NLRP8: variants seen among roughly 807,000 people sequenced by gnomAD.
NLRP8 encodes NLR family pyrin domain containing 8.
In NLRP8, 86 loss-of-function variants were observed where a neutral mutation model predicts 88.7. The ratio of observed to expected loss-of-function variants is 0.97; its 90% CI spans 0.81 to 1.16. The LOEUF (loss-of-function observed/expected upper bound fraction) is 1.16. NLRP8 is among the 50% of genes most tolerant of loss of function. NLRP8 has a pLI of 0.00. For missense variants in NLRP8, 1,342 were observed against 1,286.5 expected (o/e 1.04, Z -0.66); for synonymous variants, 504 against 494.6 (o/e 1.02, Z -0.25).
chr19:55,981,121 G>A (rs759119043), intron 9 of NLRP8, among the ~76,000 whole-genome samples: 1 of 152,164 alleles, frequency 6.6e-6, no homozygotes. Flanking sequence ...GTAGTGGAAG[G>A]AGACTTCCTG....
Position 55,955,284 on chromosome 19 carries a change from A to G in NLRP8, c.1226A>G (p.Gln409Arg). Residue 409 changes from glutamine (Q) to arginine (R), a missense_variant, in exon 3 of 10, where the codon CAA becomes CGA. Transcript: ENST00000291971. ...ATGGTCTGCTCTGGTCTGAAACAGC[A>G]AATGGAGAGAGGAAACAATCTCACA... is the stretch of plus-strand genomic sequence containing the variant. 1 of 1,614,186 alleles carries G rather than the reference A, an allele frequency of 6.2e-7. No individual in the cohort carries two copies. Among genetic ancestry groups the G allele is most frequent in the East Asian group, 2.2e-5 (1 of 44,878 alleles).
chr19:55,966,504 T>G (rs2123207210), intron 5 of NLRP8, 124 bp downstream of exon 5: 1 of 972,184 alleles, frequency 1.0e-6, no homozygotes, highest in East Asian at 2.6e-5. Flanking sequence ...TTTGTTCAAC[T>G]TTAAAAGTAC....
chr19:55,957,673 T>TAATAATA (rs1378405360), intron 3 of NLRP8, among the ~76,000 whole-genome samples: 18 of 31,196 alleles, frequency 5.8e-4, no homozygotes, highest in Non-Finnish European at 7.3e-4. Flanking sequence ...AAAATAATAA[T>TAATAATA]TATATATATA....
intron 1 of NLRP8, among the ~76,000 whole-genome samples, chr19:55,951,981 G>T (rs1261717927): frequency 6.6e-6 from 1 of 151,908 alleles, no homozygotes; most frequent in East Asian, 1.9e-4. Context: ...CGAACTCCTT[G>T]GCTCAAGCAA....
At position 55,987,879 on chromosome 19, in the gene NLRP8, G is replaced by T; in HGVS notation, c.3113G>T (p.Gly1038Val). 1 of 1,613,078 alleles carries T rather than the reference G, an allele frequency of 6.2e-7. No homozygotes were observed. The highest frequency in any genetic ancestry group is 8.5e-7 in the Non-Finnish European group (1 of 1,179,398). The change falls in exon 10 of 10, where the codon GGA becomes GTA. Residue 1038 changes from glycine to valine, a missense_variant. By Grantham distance (109) the Gly-to-Val change is moderately radical (BLOSUM62 -3). Coordinates refer to ENST00000291971, the MANE Select transcript of NLRP8 (RefSeq NM_176811.2). ...ACTCCTCACCCACCCGACTTCACGG[G>T]AAAAAGTGACTGCCTATCCCAGATT...
At chr19:55,971,438 T>C (rs1238724526) in intron 6 of NLRP8, among the ~76,000 whole-genome samples, 1 of 45,424 alleles carries the variant, frequency 2.2e-5, no homozygotes, top group African/African-American at 9.8e-5. Flanking sequence ...GAGACTCGTC[T>C]CAAAAAAAAA....
At chr19:55,976,039 A>T in intron 7 of NLRP8, 94 bp from the exon 8 acceptor site, 1 of 1,239,976 alleles carries the variant, frequency 8.1e-7, no homozygotes, top group Non-Finnish European at 1.1e-6. Context: ...CCAAAAACAA[A>T]GAAGTAAAAC....
chr19:55,976,716 A>T (rs1980345471), intron 8 of NLRP8, among the ~76,000 whole-genome samples: 1 of 150,318 alleles, frequency 6.7e-6, no homozygotes, highest in African/African-American at 2.4e-5. Context: ...GTATATAAAG[A>T]TACATATATA....
intron 3 of NLRP8, among the ~76,000 whole-genome samples, chr19:55,957,994 G>T (rs1979452504): frequency 6.6e-6 from 1 of 152,098 alleles, no homozygotes; most frequent in South Asian, 2.1e-4. Context: ...TCAAGCACTT[G>T]CTTTATGTGA....
chr19:55,949,046 C>T (rs897909826), intron 1 of NLRP8, among the ~76,000 whole-genome samples: 4 of 152,104 alleles, frequency 2.6e-5, no homozygotes, highest in Admixed American at 2.0e-4. Flanking sequence ...CAAGGTTTTG[C>T]TTTCTGAAGT....
chr19:55,979,779 C>T (rs1430175420), intron 9 of NLRP8, among the ~76,000 whole-genome samples: 1 of 151,880 alleles, frequency 6.6e-6, no homozygotes, highest in East Asian at 1.9e-4. Context: ...ATTAACTAGG[C>T]ATGGTGGTGC....
rs778391020 is a variant in NLRP8 at position 55,955,167 on chromosome 19, T to C, written c.1109T>C (p.Phe370Ser). ...AAAATCAAGTATTTCCAGATGTATT[T>C]TGGACACACAGAGGAGGGAGACCAA... The change falls in exon 3 of 10, where the codon TTT (phenylalanine) becomes TCT (serine). Residue 370 changes from phenylalanine (F) to serine (S), a missense_variant. Physicochemically the swap from Phe to Ser is radical, Grantham distance 155. Coordinates refer to ENST00000291971, the MANE Select transcript of NLRP8 (RefSeq NM_176811.2). 2.5e-6 allele frequency: 4 copies of C among 1,614,096 alleles called. No individual in the cohort carries two copies. The East Asian group carries it at 6.7e-5, about 27-fold the overall frequency.
chr19:55,987,599 G>A (rs1980909158), intron 9 of NLRP8, among the ~76,000 whole-genome samples: 1 of 152,122 alleles, frequency 6.6e-6, no homozygotes, highest in East Asian at 1.9e-4. Flanking sequence ...GCTTGCCTGG[G>A]GTAGAAAGCA....
chr19:55,950,781 C>T (rs770760840), intron 1 of NLRP8, among the ~76,000 whole-genome samples: 1 of 152,016 alleles, frequency 6.6e-6, no homozygotes, highest in Admixed American at 6.6e-5. Context: ...TCCCAGCAGT[C>T]TGAAAGGCCG....
intron 1 of NLRP8, 126 bp downstream of exon 1, chr19:55,948,395 T>C (rs1426676340): frequency 1.7e-5 from 17 of 1,000,964 alleles, no homozygotes; most frequent in African/African-American, 1.6e-4. Flanking sequence ...AGGAAGATAA[T>C]GGATCTAACC....
chr19:55,954,878 A>T lies in NLRP8; in HGVS notation c.820A>T (p.Ile274Phe), dbSNP rs775150687. 8 of 1,614,046 alleles carry T rather than the reference A, an allele frequency of 5.0e-6. No individual in the cohort carries two copies. In the African/African-American group the frequency reaches 6.7e-5, roughly 13 times the overall value. Residue 274 changes from isoleucine (I) to phenylalanine (F), a missense_variant, in exon 3 of 10, where the codon ATT (isoleucine) becomes TTT (phenylalanine). By Grantham distance (21) the Ile-to-Phe change is conservative. Transcript: ENST00000291971. The stretch of plus-strand genomic sequence containing the variant: ...TGGATCTCAGGACCTCGTGTCAAAG[A>T]TTATGTCCAAACCCGACCAACTTCT...
intron 8 of NLRP8, among the ~76,000 whole-genome samples, chr19:55,978,650 C>T (rs552576957): frequency 2.0e-5 from 3 of 152,176 alleles, no homozygotes; most frequent in East Asian, 3.9e-4. Flanking sequence ...TCTTATGGGC[C>T]GGCATCGTAT....
rs915014479 is a variant in NLRP8, at chr19:55,962,384, T to C, written c.2213+147T>C. 6 of 819,872 alleles carry C rather than the reference T, an allele frequency of 7.3e-6. No homozygotes were observed. In the African/African-American group the frequency reaches 8.6e-5, roughly 12 times the overall value. The allele number at this position is 819,872 out of a possible 1,614,324, so 50.8% of individuals were successfully genotyped here. ...ACGGAGGTGCAGGAGGAATGAGTCA[T>C]GGGGTGCGTGGTGAAGGAAACCACA... On this transcript the variant is annotated intron_variant, in intron 4 of 9. Coordinates refer to ENST00000291971, the MANE Select transcript of NLRP8 (RefSeq NM_176811.2).
At chr19:55,960,154 T>C (rs1271106923) in intron 3 of NLRP8, among the ~76,000 whole-genome samples, 1 of 152,150 alleles carries the variant, frequency 6.6e-6, no homozygotes, top group Non-Finnish European at 1.5e-5. Context: ...TTTGTTACAT[T>C]CCAGCCTTTG....
Sources: gnomAD v4.1 joint callset for allele counts (sites outside exome capture counted in the v4.1 genomes callset) on GRCh38, gnomAD v4.1.1 for gene constraint, MANE v1.5 for transcripts, NCBI Gene and HGNC (gene_info 2026-07-23, HGNC 2026-07-21) for gene names.